The following ACSS1 variants were observed in gnomAD, a reference collection of about 807,000 sequenced individuals.
ACSS1 encodes acetyl-coenzyme A synthetase 2-like, mitochondrial.
Under a neutral mutation model 75.3 loss-of-function variants are expected in ACSS1, and 42 were observed. The observed-to-expected ratio is 0.56, with a 90% CI of 0.44 to 0.72. The LOEUF is 0.72. ACSS1 is among the 30% of genes least tolerant of loss of function. The pLI is 0.00. For synonymous variants in ACSS1, 380 were observed against 376.8 expected (o/e 1.01, Z -0.10); for missense variants, 782 against 935.7 (o/e 0.84, Z 2.14).
In ACSS1 at chr20:25,038,863, G is replaced by A. The variant is rs190320029; in HGVS notation, c.432-7905C>T. 2.6e-3 allele frequency among the ~76,000 whole-genome samples: 398 copies of A among 152,202 alleles called. 3 individuals carry two copies. Among genetic ancestry groups the A allele is most frequent in the African/African-American group, 9.2e-3 (383 of 41,532 alleles). ...ACAGCCTACCACCATCTGCCATGTC[G>A]TCCTGTCACTGCCCCCCTGCTGGCT... is the stretch of plus-strand genomic sequence containing the variant. On this transcript the variant is annotated intron_variant, in intron 2 of 13. Coordinates refer to ENST00000323482, the MANE Select transcript of ACSS1 (RefSeq NM_032501.4).
chr20:25,046,917 G>C (rs768068902), intron 2 of ACSS1: 3 of 779,584 alleles, frequency 3.8e-6, no homozygotes, highest in South Asian at 2.7e-5. Context: ...AGTCTGGCTG[G>C]TGGGGGAGAC....
At chr20:25,037,498 A>G (rs926849043) in intron 2 of ACSS1, among the ~76,000 whole-genome samples, 1 of 152,350 alleles carries the variant, frequency 6.6e-6, no homozygotes, top group East Asian at 1.9e-4. Flanking sequence ...TTGTCTTGAT[A>G]TGTGAAGGCC....
chr20:25,017,454 G>A (rs2088538584), intron 7 of ACSS1, among the ~76,000 whole-genome samples: 1 of 152,174 alleles, frequency 6.6e-6, no homozygotes, highest in Non-Finnish European at 1.5e-5. Context: ...CGAGGTGCTG[G>A]GAGCCCCAGG....
intron 7 of ACSS1, among the ~76,000 whole-genome samples, chr20:25,015,457 G>A (rs1055750050): frequency 2.6e-5 from 4 of 151,954 alleles, no homozygotes; most frequent in African/African-American, 7.3e-5. Flanking sequence ...CACCACACCC[G>A]GCTAATTTTT....
chr20:25,011,604 A>G (rs1428802581), intron 12 of ACSS1: 1 of 152,310 alleles, frequency 6.6e-6, no homozygotes, highest in East Asian at 1.9e-4. Flanking sequence ...TCCTGATCAC[A>G]TCTGGACATG....
intron 2 of ACSS1, 26 bp from the exon 3 acceptor site, chr20:25,030,984 T>C (rs1405975636): frequency 1.2e-6 from 2 of 1,610,802 alleles, no homozygotes; most frequent in African/African-American, 1.3e-5. Context: ...GAGAAAGCCA[T>C]CAGAGATGGA....
chr20:25,035,965 G>A (rs2088902127), intron 2 of ACSS1, among the ~76,000 whole-genome samples: 1 of 152,226 alleles, frequency 6.6e-6, no homozygotes. Context: ...CAGCCACTCA[G>A]TGACTGGTGC....
At position 25,028,615 on chromosome 20, in the gene ACSS1, C is replaced by T. The variant is rs539699653; in HGVS notation, c.631+2144G>A. On this transcript the variant is annotated intron_variant, in intron 3 of 13. Transcript: ENST00000323482. ...ACCTCACACCCTGTACAAAAATCAA[C>T]TCAAAATTAAAGATCTAAATGTAAA... Among the ~76,000 whole-genome samples, 12 of 152,286 alleles carry T rather than the reference C, an allele frequency of 7.9e-5. No homozygotes were observed. In the South Asian group the frequency reaches 2.3e-3, roughly 29 times the overall value.
At chr20:25,027,895 CTATT>C (rs1222742856) in intron 3 of ACSS1, among the ~76,000 whole-genome samples, 2 of 150,430 alleles carry the variant, frequency 1.3e-5, no homozygotes, top group African/African-American at 4.9e-5. Flanking sequence ...CACAAAAAAA[CTATT>C]TATTAGAGCT....
At chr20:25,039,034 C>G (rs777507219) in intron 2 of ACSS1, among the ~76,000 whole-genome samples, 2 of 152,122 alleles carry the variant, frequency 1.3e-5, no homozygotes, top group African/African-American at 2.4e-5. Context: ...ACCCTCAGTT[C>G]ACAGCCCCAT....
At chr20:25,021,289 C>A in intron 6 of ACSS1, 100 bp downstream of exon 6, 1 of 1,457,604 alleles carries the variant, frequency 6.9e-7, no homozygotes, top group Non-Finnish European at 9.2e-7. Context: ...TCACCAGAAC[C>A]CAGGCGTCCC....
intron 2 of ACSS1, chr20:25,032,418 T>C (rs2088842688): frequency 8.6e-6 from 12 of 1,400,634 alleles, no homozygotes; most frequent in Middle Eastern, 1.8e-4. Context: ...CAAGGTTGTC[T>C]TTCCTTTCGG....
At chr20:25,015,076 C>T (rs764460388) in intron 8 of ACSS1, 62 bp downstream of exon 8, 11 of 1,464,142 alleles carry the variant, frequency 7.5e-6, no homozygotes, top group Non-Finnish European at 1.0e-5. Flanking sequence ...CCAGTCCCAG[C>T]CTCACACCTG....
chr20:25,012,503 C>T, intron 12 of ACSS1, 98 bp downstream of exon 12: 1 of 1,439,274 alleles, frequency 6.9e-7, no homozygotes, highest in Non-Finnish European at 9.7e-7. Flanking sequence ...ACAGTATCCC[C>T]TATCACTCCA....
At chr20:25,011,987 G>C (rs2088416990) in intron 12 of ACSS1, 1 of 156,426 alleles carries the variant, frequency 6.4e-6, no homozygotes, top group Admixed American at 6.1e-5. Context: ...CAACACCTAG[G>C]TGCTCCCGCC....
intron 2 of ACSS1, chr20:25,031,206 C>T (rs146476164): frequency 1.6e-5 from 9 of 572,508 alleles, no homozygotes; most frequent in East Asian, 3.4e-5. Context: ...TCCTTAAGTC[C>T]GCTTACGGCA....
chr20:25,014,428 C>T (rs553691806), intron 8 of ACSS1, among the ~76,000 whole-genome samples: 9 of 152,288 alleles, frequency 5.9e-5, no homozygotes, highest in Middle Eastern at 3.4e-3. Context: ...AACCCAACAA[C>T]GAAAAAAGAT....
chr20:25,033,058 T>C (rs1423993154), intron 2 of ACSS1, among the ~76,000 whole-genome samples: 1 of 152,160 alleles, frequency 6.6e-6, no homozygotes, highest in Non-Finnish European at 1.5e-5. Flanking sequence ...AGCACCAAGC[T>C]CTACAGAATC....
chr20:25,006,853 G>T lies in ACSS1; in HGVS notation c.*909C>A. 6.5e-7 allele frequency: 1 copy of T among 1,535,452 alleles called. No individual in the cohort carries two copies. Among genetic ancestry groups the T allele is most frequent in the South Asian group, 1.2e-5 (1 of 84,018 alleles). ...GCAGCGTTTGCCAGGATTTGGCTCT[G>T]ACCAAGTTAGTGCTCTAACAAGTCA... On this transcript the variant is annotated 3_prime_UTR_variant, in exon 14 of 14. Transcript: ENST00000323482.
Sources: allele counts gnomAD v4.1 joint callset (sites outside exome capture counted in the v4.1 genomes callset), GRCh38; gene constraint gnomAD v4.1.1; transcripts MANE v1.5; gene names NCBI Gene and HGNC (gene_info 2026-07-23, HGNC 2026-07-21).